The following CNTN1 variants were observed in gnomAD, a reference collection of about 807,000 sequenced individuals.
CNTN1 encodes the protein contactin-1.
CNTN1 carries 38 observed loss-of-function variants against 126.4 expected under a neutral mutation model. That is an observed-to-expected ratio of 0.30 (90% CI 0.23 to 0.39). CNTN1 has a LOEUF of 0.39. Among genes scored for constraint, CNTN1 ranks in the 10% least tolerant of loss-of-function variants. CNTN1 has a pLI of 1.00. For missense variants in CNTN1, 1,009 were observed against 1,248.4 expected (o/e 0.81, Z 2.89); for synonymous variants, 413 against 422.6 (o/e 0.98, Z 0.28).
chr12:40,826,748 T>C (rs546063676), intron 1 of CNTN1, among the ~76,000 whole-genome samples: 18 of 152,318 alleles, frequency 1.2e-4, no homozygotes, highest in African/African-American at 4.3e-4. Context: ...AATTATCAAT[T>C]GGCAAACTTT....
At chr12:40,708,767 T>C (rs543224681) in intron 1 of CNTN1, among the ~76,000 whole-genome samples, 1 of 152,384 alleles carries the variant, frequency 6.6e-6, no homozygotes, top group South Asian at 2.1e-4. Flanking sequence ...GAGGAGATTC[T>C]ATCTCAAGAA....
intron 14 of CNTN1, among the ~76,000 whole-genome samples, chr12:40,958,573 C>G (rs1324365031): frequency 2.0e-5 from 3 of 152,012 alleles, no homozygotes; most frequent in African/African-American, 7.2e-5. Context: ...AAAACAAATA[C>G]TCTTGTCCTC....
chr12:40,712,248 T>A (rs1941933916), intron 1 of CNTN1, among the ~76,000 whole-genome samples: 1 of 152,118 alleles, frequency 6.6e-6, no homozygotes, highest in African/African-American at 2.4e-5. Context: ...AAACTTTTGA[T>A]AGTTTGGATT....
intron 1 of CNTN1, among the ~76,000 whole-genome samples, chr12:40,796,743 A>T (rs1229440114): frequency 6.6e-6 from 1 of 152,080 alleles, no homozygotes; most frequent in Non-Finnish European, 1.5e-5. Context: ...GAGAAAATGA[A>T]ATTCTCTCAC....
chr12:40,811,050 C>T (rs1941041561), intron 1 of CNTN1, among the ~76,000 whole-genome samples: 1 of 152,068 alleles, frequency 6.6e-6, no homozygotes, highest in Admixed American at 6.6e-5. Flanking sequence ...ATTGCGTGTA[C>T]ATCAAATTTC....
intron 3 of CNTN1, among the ~76,000 whole-genome samples, chr12:40,914,257 G>A (rs1945151450): frequency 6.6e-6 from 1 of 152,070 alleles, no homozygotes; most frequent in Non-Finnish European, 1.5e-5. Flanking sequence ...CCTTTGCTGA[G>A]CTTTGTATTG....
Position 40,898,772 on chromosome 12 carries a change from C to G in CNTN1, c.-76-9585C>G, listed in dbSNP as rs555743953. 1.8e-3 allele frequency among the ~76,000 whole-genome samples: 277 copies of G among 152,280 alleles called. 3 individuals are homozygous for G. The highest frequency in any genetic ancestry group is 2.4e-3 in the Non-Finnish European group (163 of 68,010). On this transcript the variant is annotated intron_variant, in intron 1 of 23. Transcript: ENST00000551295. ...GTTATGAGATCATCAGTCTCATTCT[C>G]CCTTCAGGGGTGGTCTCGTGTCAGA...
intron 1 of CNTN1, among the ~76,000 whole-genome samples, chr12:40,734,185 T>C (rs564654753): frequency 5.3e-5 from 8 of 152,160 alleles, no homozygotes; most frequent in East Asian, 1.9e-4. Flanking sequence ...TACAAAACAA[T>C]TGGAGTCCAC....
intron 1 of CNTN1, among the ~76,000 whole-genome samples, chr12:40,794,575 A>G (rs1305403454): frequency 2.6e-5 from 4 of 152,082 alleles, no homozygotes; most frequent in Non-Finnish European, 5.9e-5. Context: ...TATCCTATTT[A>G]TTAAACATTA....
intron 1 of CNTN1, among the ~76,000 whole-genome samples, chr12:40,830,962 T>TATATATACAC (rs1405165659): frequency 7.8e-6 from 1 of 128,796 alleles, no homozygotes; most frequent in Non-Finnish European, 1.6e-5. Flanking sequence ...TATATATATA[T>TATATATACAC]ACACACACAC....
chr12:40,976,910 C>A (rs1592352394), intron 15 of CNTN1, among the ~76,000 whole-genome samples: 1 of 152,154 alleles, frequency 6.6e-6, no homozygotes, highest in East Asian at 1.9e-4. Flanking sequence ...ATCAAAATTA[C>A]TGGAAAACAT....
chr12:41,007,307 G>A (rs981836235), intron 17 of CNTN1, among the ~76,000 whole-genome samples: 6 of 151,930 alleles, frequency 3.9e-5, no homozygotes, highest in South Asian at 2.1e-4. Flanking sequence ...TGATCCGCCC[G>A]CCTCGGCCTC....
intron 1 of CNTN1, among the ~76,000 whole-genome samples, chr12:40,811,521 A>T (rs1160945958): frequency 6.6e-6 from 1 of 152,172 alleles, no homozygotes; most frequent in African/African-American, 2.4e-5. Context: ...ATTCACCAGT[A>T]AAGTCATCCA....
intron 1 of CNTN1, among the ~76,000 whole-genome samples, chr12:40,790,623 C>T (rs1323069296): frequency 6.6e-6 from 1 of 152,058 alleles, no homozygotes; most frequent in Non-Finnish European, 1.5e-5. Flanking sequence ...GATACTGCTG[C>T]CCAGTAAACT....
chr12:40,755,022 C>T (rs1490689342), intron 1 of CNTN1, among the ~76,000 whole-genome samples: 1 of 151,478 alleles, frequency 6.6e-6, no homozygotes, highest in African/African-American at 2.4e-5. Context: ...GAGACTCTGC[C>T]TCTACAAAAC....
chr12:40,975,178 T>TTTTA lies in CNTN1; in HGVS notation c.1805-5730_1805-5729insTTAT, dbSNP rs1566073947. On this transcript the variant is annotated intron_variant, in intron 15 of 23. Coordinates refer to ENST00000551295, the MANE Select transcript of CNTN1 (RefSeq NM_001843.4). ...CTTCGGTGTCCTTTTGTAAAATGGA[T>TTTTA]TATATATATATATATATATATATAT... is the stretch of plus-strand genomic sequence containing the variant. Among the ~76,000 whole-genome samples, 4 of 48,674 alleles carry TTTTA rather than the reference T, an allele frequency of 8.2e-5. No individual in the cohort carries two copies. The South Asian group carries it at 1.9e-3, about 23-fold the overall frequency. 31.9% of individuals were successfully genotyped at this position (48,674 alleles called of 152,430 possible).
At chr12:40,933,404 G>C in intron 7 of CNTN1, 57 bp from the exon 8 acceptor site, 1 of 1,176,886 alleles carries the variant, frequency 8.5e-7, no homozygotes, top group Admixed American at 1.7e-5. Flanking sequence ...CCATGTTTAA[G>C]AATAACTAAT....
chr12:40,880,075 C>A (rs1272719704), intron 1 of CNTN1, among the ~76,000 whole-genome samples: 3 of 151,928 alleles, frequency 2.0e-5, no homozygotes, highest in African/African-American at 7.2e-5. Context: ...AGTGTACTCT[C>A]AAGGAACAAA....
In CNTN1 at chr12:40,922,698, C is replaced by T. The variant is rs527926826; in HGVS notation, c.400+270C>T. On this transcript the variant is annotated intron_variant, in intron 5 of 23. Transcript: ENST00000551295. ...CTTTAAAAGTTAGCATCAGGCTGGG[C>T]GCGGTGGCTCACACCTGTAATCCCA... 5.7e-4 allele frequency among the ~76,000 whole-genome samples: 87 copies of T among 152,154 alleles called. 4 individuals carry two copies. The South Asian group carries it at 0.017, about 30-fold the overall frequency.
Sources: allele counts gnomAD v4.1 joint callset (sites outside exome capture counted in the v4.1 genomes callset), GRCh38; gene constraint gnomAD v4.1.1; transcripts MANE v1.5; gene names NCBI Gene and HGNC (gene_info 2026-07-23, HGNC 2026-07-21).